Variants in WIPI1 observed in about 807,000 individuals in gnomAD.
WIPI1 encodes the protein WD repeat domain, phosphoinositide interacting 1.
Under a neutral mutation model 55.3 loss-of-function variants are expected in WIPI1, and 45 were observed. The observed-to-expected ratio is 0.81, with a 90% CI of 0.64 to 1.04. The LOEUF is 1.04. Ranked by LOEUF, WIPI1 falls within the 50% of genes least tolerant of loss-of-function variation. WIPI1 has a pLI of 0.00. For missense variants in WIPI1, 445 were observed against 559.0 expected (o/e 0.80, Z 2.06); for synonymous variants, 195 against 217.6 (o/e 0.90, Z 0.92).
At chr17:68,433,438 T>G in intron 8 of WIPI1, 30 bp downstream of exon 8, 55 of 1,593,514 alleles carry the variant, frequency 3.5e-5, no homozygotes, top group Non-Finnish European at 4.3e-5. Context: ...TTTCGTTTAA[T>G]GAGCATTTGG....
At chr17:68,435,154 C>A (rs1252647682) in intron 6 of WIPI1, among the ~76,000 whole-genome samples, 1 of 151,538 alleles carries the variant, frequency 6.6e-6, no homozygotes, top group Non-Finnish European at 1.5e-5. Flanking sequence ...TTGCAGTGAG[C>A]CGAGATTGCG....
chr17:68,426,537 A>G (rs2083207379), intron 11 of WIPI1, among the ~76,000 whole-genome samples: 1 of 152,028 alleles, frequency 6.6e-6, no homozygotes, highest in African/African-American at 2.4e-5. Flanking sequence ...ATTTTAGTTT[A>G]GTTTTTATTT....
intron 3 of WIPI1, among the ~76,000 whole-genome samples, chr17:68,448,111 G>T (rs527980695): frequency 6.6e-6 from 1 of 152,014 alleles, no homozygotes; most frequent in South Asian, 2.1e-4. Flanking sequence ...GGAAGTAGCA[G>T]ACTGAGTGCT....
intron 1 of WIPI1, among the ~76,000 whole-genome samples, 178 bp downstream of exon 1, chr17:68,457,164 C>G (rs71378928): frequency 0.78 from 118,609 of 151,812 alleles, 46,769 homozygotes; most frequent in African/African-American, 0.85. Flanking sequence ...GTGGGGGGTG[C>G]GGCAAACCCC....
intron 4 of WIPI1, among the ~76,000 whole-genome samples, chr17:68,440,377 T>C (rs1317541718): frequency 6.6e-6 from 1 of 152,210 alleles, no homozygotes; most frequent in East Asian, 1.9e-4. Context: ...TCTGCCAGTC[T>C]CCTCTTTCTG....
chr17:68,424,626 A>C (rs2083034474), intron 12 of WIPI1: 3 of 418,674 alleles, frequency 7.2e-6, no homozygotes, highest in Non-Finnish European at 1.4e-5. Context: ...CTGTAATCCT[A>C]GCACTTTGGG....
At chr17:68,454,334 A>C (rs185346768) in intron 1 of WIPI1, among the ~76,000 whole-genome samples, 58 of 152,340 alleles carry the variant, frequency 3.8e-4, no homozygotes, top group Admixed American at 3.7e-3. Flanking sequence ...TAAAATAAGC[A>C]ACTTACTATT....
intron 12 of WIPI1, chr17:68,424,405 G>A (rs369583542): frequency 3.4e-5 from 18 of 532,810 alleles, no homozygotes; most frequent in Admixed American, 1.2e-4. Context: ...AGGGTTCCAC[G>A]GATCTGCGGG....
intron 4 of WIPI1, among the ~76,000 whole-genome samples, chr17:68,442,474 A>AG (rs1283620706): frequency 6.6e-6 from 1 of 151,792 alleles, no homozygotes; most frequent in East Asian, 1.9e-4. Flanking sequence ...CAAAAAAAAA[A>AG]AAAAAAAAAG....
chr17:68,434,683 T>A lies in WIPI1; in HGVS notation c.622-57A>T, dbSNP rs1003092401. 5 of 1,578,010 alleles carry A rather than the reference T, an allele frequency of 3.2e-6. No homozygotes were observed. The East Asian group carries it at 1.1e-4, about 35-fold the overall frequency. ...CCATTAGTGGCTTTACACAGAGATG[T>A]CCCTTTAGAGAGGAGTTTGTTTTAT... On this transcript the variant is annotated intron_variant, in intron 6 of 12. Coordinates refer to ENST00000262139, the MANE Select transcript of WIPI1 (RefSeq NM_017983.7).
chr17:68,427,084 G>A (rs768629032), intron 11 of WIPI1, 51 bp downstream of exon 11: 8 of 1,469,600 alleles, frequency 5.4e-6, no homozygotes, highest in Admixed American at 5.0e-5. Flanking sequence ...GGGAGAAGGG[G>A]AGGGAGGTCA....
intron 4 of WIPI1, among the ~76,000 whole-genome samples, chr17:68,442,464 CAAA>C (rs1182675630): frequency 9.6e-5 from 6 of 62,770 alleles, no homozygotes; most frequent in Admixed American, 1.7e-4. Context: ...GACTGTGTCT[CAAA>C]AAAAAAAAAA....
At position 68,435,644 on chromosome 17, in the gene WIPI1, G is replaced by A. The variant is rs769216281; in HGVS notation, c.597C>T (p.Ser199=). 6.2e-7 allele frequency: 1 copy of A among 1,614,184 alleles called. No homozygotes were observed. The highest frequency in any genetic ancestry group is 8.5e-7 in the Non-Finnish European group (1 of 1,180,026). Reference sequence around the variant, plus strand: ...CTTTTTCAGACGCACTTGCTAGTTTGGAGCCTGAGGCATTGAAGGTGATGG... The same window carrying A: ...CTTTTTCAGACGCACTTGCTAGTTTAGAGCCTGAGGCATTGAAGGTGATGG... ...LAAITFNASG[S]KLASASEKGT... is the part of the protein sequence containing the mutation. Residue 199 remains serine (S), a synonymous_variant, in exon 6 of 13, where the codon TCC becomes TCT. Coordinates refer to ENST00000262139, the MANE Select transcript of WIPI1 (RefSeq NM_017983.7).
intron 4 of WIPI1, among the ~76,000 whole-genome samples, chr17:68,443,197 G>A (rs1387756879): frequency 6.6e-6 from 1 of 152,058 alleles, no homozygotes. Context: ...TGAAGCCTCC[G>A]CCTCCTGGGT....
At position 68,450,870 on chromosome 17, in the gene WIPI1, T is replaced by G. The variant is rs748243969; in HGVS notation, c.191A>C (p.Glu64Ala). Reference sequence around the variant, plus strand: ...CACCAGGCTGCTGGAGAAGAGGCGCTCCACGATGTAGACGTCCGGGATTTC... The same window carrying G: ...CACCAGGCTGCTGGAGAAGAGGCGCGCCACGATGTAGACGTCCGGGATTTC... ...SNEIPDVYIV[E>A]RLFSSSLVVV... Residue 64 changes from glutamate (E) to alanine (A), a missense_variant, in exon 3 of 13, where the codon GAG (glutamate) becomes GCG (alanine). By Grantham distance (107) the Glu-to-Ala change is moderately radical (BLOSUM62 -1). Coordinates refer to ENST00000262139, the MANE Select transcript of WIPI1 (RefSeq NM_017983.7). 8.7e-6 allele frequency: 14 copies of G among 1,613,666 alleles called. No homozygotes were observed. The highest frequency in any genetic ancestry group is 1.1e-5 in the Non-Finnish European group (13 of 1,179,876).
At chr17:68,425,515 C>T (rs888974031) in intron 12 of WIPI1, among the ~76,000 whole-genome samples, 1 of 151,820 alleles carries the variant, frequency 6.6e-6, no homozygotes, top group African/African-American at 2.4e-5. Context: ...GCCACCGCAC[C>T]CGGCCACTTG....
intron 2 of WIPI1, among the ~76,000 whole-genome samples, chr17:68,451,720 C>G (rs1404763368): frequency 6.6e-6 from 1 of 152,094 alleles, no homozygotes; most frequent in Non-Finnish European, 1.5e-5. Flanking sequence ...ATCTGTACTC[C>G]CCCCACCCCC....
intron 3 of WIPI1, among the ~76,000 whole-genome samples, chr17:68,450,354 C>T (rs560955189): frequency 6.6e-6 from 1 of 152,318 alleles, no homozygotes; most frequent in African/African-American, 2.4e-5. Context: ...CAATGAATGA[C>T]ACTATCTAGG....
intron 3 of WIPI1, among the ~76,000 whole-genome samples, chr17:68,445,109 G>A (rs1005899250): frequency 7.2e-5 from 11 of 151,838 alleles, no homozygotes; most frequent in South Asian, 2.1e-4. Flanking sequence ...TAGTAGAGAC[G>A]GGGTTTCACC....
Sources: allele counts gnomAD v4.1 joint callset (sites outside exome capture counted in the v4.1 genomes callset), GRCh38; gene constraint gnomAD v4.1.1; transcripts MANE v1.5; gene names NCBI Gene and HGNC (gene_info 2026-07-23, HGNC 2026-07-21).